The following TENM3 variants were observed in gnomAD, a reference collection of about 807,000 sequenced individuals.
TENM3 encodes the protein teneurin transmembrane protein 3.
TENM3 carries 63 observed loss-of-function variants against 255.1 expected under a neutral mutation model. The observed-to-expected ratio is 0.25, with a 90% confidence interval of 0.20 to 0.30. The LOEUF is 0.30. Among genes scored for constraint, TENM3 ranks in the 10% least tolerant of loss-of-function variants. TENM3 has a pLI of 1.00. For synonymous variants in TENM3, 1,306 were observed against 1,322.3 expected (o/e 0.99, Z 0.27); for missense variants, 2,929 against 3,461.1 (o/e 0.85, Z 3.86).
chr4:181,977,528 G>A, the TENM3 span, among the ~76,000 whole-genome samples: 2 of 152,240 alleles, frequency 1.3e-5, no homozygotes, highest in African/African-American at 4.8e-5. Flanking sequence ...GACAGTTCTG[G>A]AAGGCTGCAT....
intron 1 of TENM3, among the ~76,000 whole-genome samples, chr4:182,152,798 A>G (rs1444442756): frequency 6.6e-6 from 1 of 151,838 alleles, no homozygotes; most frequent in Non-Finnish European, 1.5e-5. Flanking sequence ...TTTAATTAGT[A>G]TGATAGTAGA....
intron 5 of TENM3, among the ~76,000 whole-genome samples, chr4:182,639,934 C>CA (rs1423939876): frequency 3.3e-5 from 5 of 151,896 alleles, no homozygotes; most frequent in African/African-American, 4.8e-5. Context: ...TGCTAAAATA[C>CA]AAAAAATTAG....
the TENM3 span, among the ~76,000 whole-genome samples, chr4:181,805,370 G>A: frequency 6.6e-6 from 1 of 151,990 alleles, no homozygotes; most frequent in Admixed American, 6.6e-5. Context: ...TGCGGTGGAA[G>A]CCCCTTGCCT....
At chr4:182,308,124 G>A (rs1043151098) in intron 1 of TENM3, among the ~76,000 whole-genome samples, 2 of 152,176 alleles carry the variant, frequency 1.3e-5, no homozygotes, top group East Asian at 1.9e-4. Flanking sequence ...TTACTCAAGA[G>A]CCTTTGTGTC....
chr4:182,161,906 C>T lies in TENM3; in HGVS notation c.-76+17152C>T, dbSNP rs935545563. Reference sequence around the variant, plus strand: ...ATACACACATATATGTGTATATATACACACACATGTATGTGTATATATATA... The same window carrying T: ...ATACACACATATATGTGTATATATATACACACATGTATGTGTATATATATA... On this transcript the variant is annotated intron_variant, in intron 1 of 2. Transcript: ENST00000512480. Among the ~76,000 whole-genome samples, 26 of 11,466 alleles carry T rather than the reference C, an allele frequency of 2.3e-3. 3 individuals are homozygous for T. Among genetic ancestry groups the T allele is most frequent in the Admixed American group, 5.2e-3 (3 of 576 alleles). 7.5% of individuals were successfully genotyped at this position (11,466 alleles called of 152,430 possible). A position where few individuals can be genotyped will look rare whatever the true frequency, so the allele number is the denominator to read the frequency against.
chr4:182,230,802 G>T, intron 1 of TENM3, among the ~76,000 whole-genome samples: 1 of 109,016 alleles, frequency 9.2e-6, no homozygotes, highest in African/African-American at 3.6e-5. Context: ...ATTAAATACA[G>T]TTTCTCAAAC....
chr4:182,138,966 T>C, the TENM3 span, among the ~76,000 whole-genome samples: 1 of 152,198 alleles, frequency 6.6e-6, no homozygotes, highest in Non-Finnish European at 1.5e-5. Flanking sequence ...AAATTTTATT[T>C]ATGACATACC....
the TENM3 span, among the ~76,000 whole-genome samples, chr4:181,987,976 T>A: frequency 6.6e-6 from 1 of 151,826 alleles, no homozygotes; most frequent in African/African-American, 2.4e-5. Flanking sequence ...AATGGAAACA[T>A]GGGTAGGTTC....
the TENM3 span, among the ~76,000 whole-genome samples, chr4:181,742,449 C>G: frequency 6.6e-6 from 1 of 151,988 alleles, no homozygotes; most frequent in Non-Finnish European, 1.5e-5. Context: ...GTACCAGGAA[C>G]TATTTCTGGT....
At chr4:182,021,017 G>A in the TENM3 span, among the ~76,000 whole-genome samples, 98 of 152,080 alleles carry the variant, frequency 6.4e-4, no homozygotes, top group African/African-American at 2.0e-3. Flanking sequence ...CAATGCTGAG[G>A]TTGGGGCTTC....
At position 182,802,450 on chromosome 4, in the gene TENM3, G is replaced by C. The variant is rs1442853628; in HGVS notation, c.*2099G>C. On this transcript the variant is annotated 3_prime_UTR_variant, in exon 28 of 28. Coordinates refer to ENST00000511685, the MANE Select transcript of TENM3 (RefSeq NM_001080477.4). ...TCTGCAGGCCTGTATTTAGCATGCT[G>C]TAAGTACTTTTGGGTGAAATAGGCT... 1 of 152,626 alleles carries C rather than the reference G, an allele frequency of 6.6e-6. No individual in the cohort carries two copies. The highest frequency in any genetic ancestry group is 6.5e-5 in the Admixed American group (1 of 15,276). The allele number at this position is 152,626 out of a possible 1,614,324, so 9.5% of individuals were successfully genotyped here.
the TENM3 span, among the ~76,000 whole-genome samples, chr4:181,487,116 C>T: frequency 1.3e-5 from 2 of 152,128 alleles, no homozygotes; most frequent in African/African-American, 4.8e-5. Flanking sequence ...AATATACAAT[C>T]TTTGTTCTTA....
At chr4:182,513,921 A>G (rs6840644) in intron 3 of TENM3, among the ~76,000 whole-genome samples, 44,731 of 152,132 alleles carry the variant, frequency 0.29, 7,205 homozygotes, top group Non-Finnish European at 0.35. Flanking sequence ...CTCAGAGCCA[A>G]TTGAAAATAT....
the TENM3 span, among the ~76,000 whole-genome samples, chr4:182,056,927 G>A: frequency 6.6e-6 from 1 of 151,766 alleles, no homozygotes; most frequent in Non-Finnish European, 1.5e-5. Flanking sequence ...ACAACAAAGT[G>A]CAGAGTGAAA....
intron 13 of TENM3, among the ~76,000 whole-genome samples, chr4:182,717,534 T>G (rs561002599): frequency 6.6e-6 from 1 of 152,272 alleles, no homozygotes; most frequent in South Asian, 2.1e-4. Flanking sequence ...CTCATCTGCT[T>G]CTCAAATCCA....
intron 24 of TENM3, among the ~76,000 whole-genome samples, chr4:182,787,821 G>A (rs566852045): frequency 6.6e-6 from 1 of 150,676 alleles, no homozygotes; most frequent in East Asian, 2.0e-4. Context: ...CTCTCTGGGT[G>A]CTTCCCACCC....
Position 182,772,610 on chromosome 4 carries a change from C to G in TENM3, c.4893-862C>G, listed in dbSNP as rs554461941. 3.3e-5 allele frequency: 5 copies of G among 151,854 alleles called. No homozygotes were observed. In the East Asian group the frequency reaches 7.7e-4, roughly 23 times the overall value. 9.4% of individuals were successfully genotyped at this position (151,854 alleles called of 1,614,324 possible). A position where few individuals can be genotyped will look rare whatever the true frequency, so the allele number is the denominator to read the frequency against. On this transcript the variant is annotated intron_variant, in intron 22 of 27. Transcript: ENST00000511685. ...ATTTTTGAAATTTTCTCTGGTGCTG[C>G]CACAAATAGAAAAGTCACAAAAATT...
upstream of TENM3, chr4:182,144,369 C>T (rs558182798): frequency 9.0e-4 from 138 of 152,864 alleles, no homozygotes; most frequent in Middle Eastern, 3.4e-3. Context: ...CCTCCCTCGC[C>T]TCCCCGGTCC....
At chr4:182,424,228 A>G (rs955964246) in intron 3 of TENM3, among the ~76,000 whole-genome samples, 9 of 152,314 alleles carry the variant, frequency 5.9e-5, no homozygotes, top group African/African-American at 2.2e-4. Flanking sequence ...ATACACATTA[A>G]AATTAGCAAT....
Sources: allele counts gnomAD v4.1 joint callset (sites outside exome capture counted in the v4.1 genomes callset), GRCh38; gene constraint gnomAD v4.1.1; transcripts MANE v1.5; gene names NCBI Gene and HGNC (gene_info 2026-07-23, HGNC 2026-07-21).